The following UBXN4 variants were observed in gnomAD, a reference collection of about 807,000 sequenced individuals.
The protein encoded by UBXN4 is UBX domain-containing protein 4.
In UBXN4, 35 loss-of-function variants were observed where a neutral mutation model predicts 66.2. The observed-to-expected ratio is 0.53, with a 90% CI of 0.40 to 0.70. The LOEUF (loss-of-function observed/expected upper bound fraction) is 0.70, where lower values mean the gene tolerates loss of function less well. Ranked by LOEUF, UBXN4 falls within the 30% of genes least tolerant of loss-of-function variation. UBXN4 has a pLI of 0.00. For missense variants in UBXN4, 533 were observed against 599.8 expected, an observed-to-expected ratio of 0.89 and a Z score of 1.16; for synonymous variants, 203 against 204.5, an observed-to-expected ratio of 0.99 and a Z score of 0.06.
intron 5 of UBXN4, among the ~76,000 whole-genome samples, chr2:135,760,392 C>T (rs538342779): frequency 6.6e-6 from 1 of 152,056 alleles, no homozygotes; most frequent in Admixed American, 6.6e-5. Flanking sequence ...GATCATGCCA[C>T]TGCTCTCCAG....
intron 9 of UBXN4, among the ~76,000 whole-genome samples, 170 bp downstream of exon 9, chr2:135,772,717 A>G (rs186630951): frequency 7.7e-4 from 117 of 152,328 alleles, no homozygotes; most frequent in African/African-American, 2.8e-3. Context: ...AGTGTACACT[A>G]AAAAAGTACT....
intron 5 of UBXN4, among the ~76,000 whole-genome samples, chr2:135,761,430 TG>T (rs11287053): frequency 0.67 from 101,176 of 151,954 alleles, 34,737 homozygotes; most frequent in Non-Finnish European, 0.76. Flanking sequence ...GTCCCTCACT[TG>T]GCAGTAACCT....
chr2:135,748,898 T>TACAAAATTA, intron 2 of UBXN4, among the ~76,000 whole-genome samples: 1 of 150,980 alleles, frequency 6.6e-6, no homozygotes, highest in African/African-American at 2.4e-5. Flanking sequence ...TAGCCGGGTG[T>TACAAAATTA]GGTGGCACAC....
At chr2:135,776,107 G>T in intron 9 of UBXN4, 142 bp from the exon 10 acceptor site, 1 of 636,070 alleles carries the variant, frequency 1.6e-6, no homozygotes, top group Non-Finnish European at 2.6e-6. Context: ...CAGTAAAGCA[G>T]TTATTAACAA....
At chr2:135,750,827 G>A (rs1661755331) in intron 2 of UBXN4, among the ~76,000 whole-genome samples, 2 of 136,614 alleles carry the variant, frequency 1.5e-5, no homozygotes, top group South Asian at 2.4e-4. Context: ...ACAGACTGAT[G>A]TGTCTGGCTT....
At chr2:135,749,425 G>A (rs6705381) in intron 2 of UBXN4, among the ~76,000 whole-genome samples, 147,999 of 152,304 alleles carry the variant, frequency 0.97, 72,028 homozygotes, top group Non-Finnish European at 1. Flanking sequence ...AAAAATTTTT[G>A]TTATAGGAAG....
chr2:135,750,835 C>CT lies in UBXN4; in HGVS notation c.185+2504dup, dbSNP rs1166056661. Among the ~76,000 whole-genome samples the CT allele has an allele frequency of 2.5e-4, 19 of 77,468 alleles. 1 individual carries two copies. Among genetic ancestry groups the CT allele is most frequent in the African/African-American group, 9.4e-4 (18 of 19,130 alleles). The allele number at this position is 77,468 out of a possible 152,430, so 50.8% of individuals were successfully genotyped here. On this transcript the variant is annotated intron_variant, in intron 2 of 12. Transcript: ENST00000272638. ...ATTGTATACAGACTGATGTGTCTGG[C>CT]TTTTTTTTTTTTTTTTTTTTTTTTT... is the stretch of plus-strand genomic sequence containing the variant.
intron 10 of UBXN4, among the ~76,000 whole-genome samples, chr2:135,776,779 G>C (rs1212387560): frequency 6.6e-6 from 1 of 151,972 alleles, no homozygotes; most frequent in Non-Finnish European, 1.5e-5. Flanking sequence ...ACTTTTTGTA[G>C]AGACAGGGTT....
At chr2:135,774,859 A>C (rs1575323278) in intron 9 of UBXN4, among the ~76,000 whole-genome samples, 1 of 151,826 alleles carries the variant, frequency 6.6e-6, no homozygotes, top group Non-Finnish European at 1.5e-5. Flanking sequence ...AAAAAAAAAA[A>C]TGCAAAGAAC....
rs760019117 is a variant in UBXN4, at chr2:135,753,150, A to G, written c.186-389A>G. On this transcript the variant is annotated intron_variant, in intron 2 of 12. Transcript: ENST00000272638. ...GCGATTCTCCTGCCTCAGCCTCCCAAGTAGCTGGGATTACAGGCACTTGCC... is the reference window on the plus strand; with the variant it reads ...GCGATTCTCCTGCCTCAGCCTCCCAGGTAGCTGGGATTACAGGCACTTGCC... Among the ~76,000 whole-genome samples the G allele has an allele frequency of 7.6e-4, 115 of 150,730 alleles. 3 individuals are homozygous for G. The highest frequency in any genetic ancestry group is 2.8e-4 in the Non-Finnish European group (19 of 67,878).
intron 2 of UBXN4, among the ~76,000 whole-genome samples, chr2:135,751,421 C>G (rs1008810368): frequency 1.3e-5 from 2 of 151,580 alleles, no homozygotes; most frequent in African/African-American, 4.9e-5. Flanking sequence ...ATCTCCTGAC[C>G]TCGTGATCCA....
chr2:135,758,991 T>C (rs1327301190), intron 5 of UBXN4, among the ~76,000 whole-genome samples: 2 of 152,178 alleles, frequency 1.3e-5, no homozygotes, highest in Non-Finnish European at 2.9e-5. Flanking sequence ...ACTCCTGACC[T>C]CAGGTGATAC....
In UBXN4 at chr2:135,750,835, C is replaced by CTTTTT. The variant is rs1166056661; in HGVS notation, c.185+2500_185+2504dup. Among the ~76,000 whole-genome samples the CTTTTT allele has an allele frequency of 5.2e-5, 4 of 77,472 alleles. 1 individual carries two copies. The East Asian group carries it at 1.4e-3, about 28-fold the overall frequency. The allele number at this position is 77,472 out of a possible 152,430, so 50.8% of individuals were successfully genotyped here. ...ATTGTATACAGACTGATGTGTCTGG[C>CTTTTT]TTTTTTTTTTTTTTTTTTTTTTTTT... On this transcript the variant is annotated intron_variant, in intron 2 of 12. Coordinates refer to ENST00000272638, the MANE Select transcript of UBXN4 (RefSeq NM_014607.4).
chr2:135,742,282 C>T (rs1248933760), intron 1 of UBXN4, among the ~76,000 whole-genome samples: 3 of 152,196 alleles, frequency 2.0e-5, no homozygotes, highest in Admixed American at 6.5e-5. Flanking sequence ...GCTGCCGGCC[C>T]GTGGCTGTTC....
intron 5 of UBXN4, among the ~76,000 whole-genome samples, chr2:135,759,766 ATTTT>A (rs10660396): frequency 2.1e-5 from 2 of 93,444 alleles, no homozygotes; most frequent in African/African-American, 8.0e-5. Context: ...TCAATCCAGA[ATTTT>A]TTTTTTTTTT....
intron 9 of UBXN4, among the ~76,000 whole-genome samples, chr2:135,773,656 CAAAA>C (rs527530979): frequency 2.0e-5 from 3 of 151,976 alleles, no homozygotes; most frequent in Admixed American, 6.6e-5. Flanking sequence ...GTTGAAAAGA[CAAAA>C]AAAGTTTAGA....
chr2:135,754,082 T>A, intron 3 of UBXN4, 77 bp from the exon 4 acceptor site: 1 of 1,003,084 alleles, frequency 1.0e-6, no homozygotes, highest in Non-Finnish European at 1.5e-6. Flanking sequence ...TCATTTGTTT[T>A]CCTTTGTTAC....
intron 1 of UBXN4, among the ~76,000 whole-genome samples, chr2:135,746,668 G>A (rs565104258): frequency 1.3e-5 from 2 of 152,182 alleles, no homozygotes; most frequent in East Asian, 3.9e-4. Context: ...TCCAGGCAGA[G>A]GAAACAACTA....
At chr2:135,747,415 C>T (rs2077215206) in intron 1 of UBXN4, among the ~76,000 whole-genome samples, 1 of 150,032 alleles carries the variant, frequency 6.7e-6, no homozygotes, top group Non-Finnish European at 1.5e-5. Flanking sequence ...CCTTCATGCT[C>T]TATCAAGGTA....
Sources: allele counts gnomAD v4.1 joint callset (sites outside exome capture counted in the v4.1 genomes callset), GRCh38; gene constraint gnomAD v4.1.1; transcripts MANE v1.5; gene names NCBI Gene and HGNC (gene_info 2026-07-23, HGNC 2026-07-21).